PGK1: variants seen among roughly 807,000 people sequenced by gnomAD.
PGK1 encodes phosphoglycerate kinase 1, also known as PRP 2.
Under a neutral mutation model 26.9 loss-of-function variants are expected in PGK1, and 3 were observed. The ratio of observed to expected loss-of-function variants is 0.11; its 90% confidence interval spans 0.05 to 0.29. PGK1 has a LOEUF of 0.29. Among genes scored for constraint, PGK1 ranks in the 10% least tolerant of loss-of-function variants. PGK1 has a pLI of 1.00. For missense variants in PGK1, 270 were observed against 314.7 expected, an observed-to-expected ratio of 0.86 and a Z score of 1.07; for synonymous variants, 125 against 115.3, an observed-to-expected ratio of 1.08 and a Z score of -0.54.
chrX:78,125,516 A>G (rs1557248584), intron 10 of PGK1, 91 bp downstream of exon 10: 1 of 630,755 alleles, frequency 1.6e-6, no homozygotes, highest in Non-Finnish European at 2.6e-6. Context: ...GTTAGAAGGT[A>G]GTGTTGTCAT....
At chrX:78,114,673 A>G (rs1450344773) in intron 4 of PGK1, among the ~76,000 whole-genome samples, 2 of 111,817 alleles carry the variant, frequency 1.8e-5, no homozygotes, top group African/African-American at 6.5e-5. Flanking sequence ...AGCCCATTCA[A>G]TCAGCAAACT....
chrX:78,124,412 A>C (rs947587817), intron 8 of PGK1, among the ~76,000 whole-genome samples: 1 of 111,311 alleles, frequency 9.0e-6, no homozygotes, highest in Admixed American at 9.6e-5. Flanking sequence ...AAGTTTGAGT[A>C]CTACTGATCT....
At chrX:78,107,953 T>C (rs1431726998) in intron 1 of PGK1, among the ~76,000 whole-genome samples, 5 of 96,583 alleles carry the variant, frequency 5.2e-5, no homozygotes, top group Middle Eastern at 5.5e-3. Flanking sequence ...AGGGGTGTTA[T>C]AAGGAAACGA....
In PGK1 at chrX:78,122,758, T is replaced by G. The variant is rs1453902006; in HGVS notation, c.642-77T>G. 1.5e-5 allele frequency: 9 copies of G among 615,332 alleles called. No homozygotes were observed. In the East Asian group the frequency reaches 3.0e-4, roughly 20 times the overall value. 50.7% of individuals were successfully genotyped at this position (615,332 alleles called of 1,213,427 possible). ...CTTTCTCTGTTCCTGTGCCTTGAAA[T>G]AGAAACTCAGTTTCTATGTAATACC... On this transcript the variant is annotated intron_variant, in intron 6 of 10. Coordinates refer to ENST00000373316, the MANE Select transcript of PGK1 (RefSeq NM_000291.4).
rs782652022 is a variant in PGK1, at chrX:78,124,854, C to A, written c.937-20C>A. ...AGCTTTTCTTGATAGCTCATCTTCT[C>A]TTTCACCTCTACCCCTCAGGGCTTG... On this transcript the variant is annotated intron_variant, in intron 8 of 10. Coordinates refer to ENST00000373316, the MANE Select transcript of PGK1 (RefSeq NM_000291.4). 8.4e-7 allele frequency: 1 copy of A among 1,196,716 alleles called. No individual in the cohort carries two copies. Among genetic ancestry groups the A allele is most frequent in the Non-Finnish European group, 1.1e-6 (1 of 884,682 alleles).
intron 8 of PGK1, among the ~76,000 whole-genome samples, chrX:78,123,610 G>GTTTT (rs200892196): frequency 2.0e-5 from 2 of 99,233 alleles, no homozygotes; most frequent in Non-Finnish European, 4.2e-5. Flanking sequence ...TGTTGTTGTT[G>GTTTT]TTTTTTTTTT....
At chrX:78,124,510 C>G (rs2078372607) in intron 8 of PGK1, among the ~76,000 whole-genome samples, 1 of 110,964 alleles carries the variant, frequency 9.0e-6, no homozygotes, top group Middle Eastern at 4.2e-3. Flanking sequence ...TCCTTGGCCA[C>G]TAGATGCCAG....
At position 78,126,526 on chromosome X, in the gene PGK1, A is replaced by G. The variant is rs2078384530; in HGVS notation, c.*696A>G. 1 of 112,241 alleles carries G rather than the reference A, an allele frequency of 8.9e-6. No homozygotes were observed. Among genetic ancestry groups the G allele is most frequent in the Non-Finnish European group, 1.9e-5 (1 of 53,327 alleles). The allele number at this position is 112,241 out of a possible 1,213,427, so 9.2% of individuals were successfully genotyped here. On this transcript the variant is annotated 3_prime_UTR_variant, in exon 11 of 11. Transcript: ENST00000373316. ...AAAAAGTCAAGGCTTATAACAAAAA[A>G]GCCCCAGCCCATTCCTCCCATTCAA...
In PGK1 at chrX:78,104,403, G is replaced by A; in HGVS notation, c.63G>A (p.Met21Ile). 1 of 1,189,910 alleles carries A rather than the reference G, an allele frequency of 8.4e-7. No homozygotes were observed. Residue 21 changes from methionine (M) to isoleucine (I), a missense_variant and splice_region_variant, in exon 1 of 11, where the codon ATG (methionine) becomes ATA (isoleucine). Coordinates refer to ENST00000373316, the MANE Select transcript of PGK1 (RefSeq NM_000291.4). ...ACGTTAAAGGGAAGCGGGTCGTTAT[G>A]AGGTAATTCTGCACGTTTGCCCGCG... is the stretch of plus-strand genomic sequence containing the variant. Reference protein sequence around the residue: ...KLDVKGKRVVMRVDFNVPMKN... With the variant: ...KLDVKGKRVVIRVDFNVPMKN...
intron 2 of PGK1, among the ~76,000 whole-genome samples, chrX:78,111,229 C>T (rs949661773): frequency 4.5e-5 from 5 of 110,523 alleles, no homozygotes; most frequent in Admixed American, 9.6e-5. Context: ...AGACCACAGG[C>T]GTGGGCCACC....
chrX:78,104,829 G>T (rs1164356576), intron 1 of PGK1, among the ~76,000 whole-genome samples: 2 of 111,554 alleles, frequency 1.8e-5, no homozygotes, highest in Non-Finnish European at 3.8e-5. Flanking sequence ...AGCCAAATGA[G>T]AAACGGCCCA....
chrX:78,109,596 A>G (rs1477413352), intron 1 of PGK1, among the ~76,000 whole-genome samples: 1 of 110,875 alleles, frequency 9.0e-6, no homozygotes, highest in African/African-American at 3.3e-5. Flanking sequence ...TCACAAGTTC[A>G]AAGAATTACC....
At chrX:78,124,805 T>G in intron 8 of PGK1, 69 bp from the exon 9 acceptor site, 1 of 928,058 alleles carries the variant, frequency 1.1e-6, no homozygotes, top group Non-Finnish European at 1.6e-6. Flanking sequence ...TGAGTTCTGG[T>G]CTTGGTGGAG....
At chrX:78,117,253 A>G (rs1283008993) in intron 4 of PGK1, 59 bp from the exon 5 acceptor site, 1 of 817,811 alleles carries the variant, frequency 1.2e-6, no homozygotes. Context: ...TGGTGTATGA[A>G]ATGCTTTTAT....
Position 78,126,272 on chromosome X carries a change from GA to G in PGK1, c.*443del. On this transcript the variant is annotated 3_prime_UTR_variant, in exon 11 of 11. Coordinates refer to ENST00000373316, the MANE Select transcript of PGK1 (RefSeq NM_000291.4). ...CAATAAAAGTGTCCATTGAAACCGTGATTTTTTTTTTTTTCCTGTCATACTT... is the reference window on the plus strand; with the variant it reads ...CAATAAAAGTGTCCATTGAAACCGTGTTTTTTTTTTTTTCCTGTCATACTT... 7.5e-6 allele frequency: 1 copy of G among 134,213 alleles called. No homozygotes were observed. The highest frequency in any genetic ancestry group is 1.8e-4 in the East Asian group (1 of 5,550). 11.1% of individuals were successfully genotyped at this position (134,213 alleles called of 1,213,427 possible). A position where few individuals can be genotyped will look rare whatever the true frequency, so the allele number is the denominator to read the frequency against.
intron 1 of PGK1, among the ~76,000 whole-genome samples, chrX:78,104,840 C>T (rs1569550715): frequency 9.0e-6 from 1 of 111,725 alleles, no homozygotes; most frequent in African/African-American, 3.3e-5. Flanking sequence ...AAACGGCCCA[C>T]ATCTCACAGG....
At chrX:78,110,781 G>GT (rs2078296886) in intron 2 of PGK1, among the ~76,000 whole-genome samples, 1 of 109,790 alleles carries the variant, frequency 9.1e-6, no homozygotes, top group Non-Finnish European at 1.9e-5. Context: ...ATTTTCATTT[G>GT]TTTTTGCTTC....
rs1255752801 is a variant in PGK1 at position 78,109,894 on chromosome X, C to A, written c.93C>A (p.Asn31Lys). ...TCGACTTCAATGTTCCTATGAAGAA[C>A]AACCAGATAACAAACAACCAGAGGT... ...MRVDFNVPMKNNQITNNQRIK... is the reference protein window; with the variant it reads ...MRVDFNVPMKKNQITNNQRIK... The change falls in exon 2 of 11, where the codon AAC (asparagine) becomes AAA (lysine). Residue 31 changes from asparagine to lysine, a missense_variant. Transcript: ENST00000373316. The A allele has an allele frequency of 2.5e-6, 3 of 1,196,260 alleles. No individual in the cohort carries two copies. The highest frequency in any genetic ancestry group is 3.4e-6 in the Non-Finnish European group (3 of 882,923).
chrX:78,111,441 T>C (rs1453243204), intron 2 of PGK1, among the ~76,000 whole-genome samples: 1 of 112,317 alleles, frequency 8.9e-6, no homozygotes, highest in African/African-American at 3.2e-5. Context: ...TCTAGACCAG[T>C]GGTATCTAAT....
Sources: gnomAD v4.1 joint callset for allele counts (sites outside exome capture counted in the v4.1 genomes callset) on GRCh38, gnomAD v4.1.1 for gene constraint, MANE v1.5 for transcripts, NCBI Gene and HGNC (gene_info 2026-07-23, HGNC 2026-07-21) for gene names.